MBOAT2: variants seen among roughly 807,000 people sequenced by gnomAD.
The protein encoded by MBOAT2 is membrane bound glycerophospholipid O-acyltransferase 2, also known as membrane-bound glycerophospholipid O-acyltransferase 2.
A neutral mutation model predicts 63.4 loss-of-function variants in MBOAT2; 28 were observed. The ratio of observed to expected loss-of-function variants is 0.44; its 90% CI spans 0.33 to 0.61. The LOEUF (loss-of-function observed/expected upper bound fraction) is 0.61. Ranked by LOEUF, MBOAT2 falls within the 20% of genes least tolerant of loss-of-function variation. The pLI is 0.03. For missense variants in MBOAT2, 470 were observed against 605.8 expected (o/e 0.78, Z 2.35); for synonymous variants, 211 against 215.6 (o/e 0.98, Z 0.19).
chr2:9,001,173 C>T (rs932187686), intron 1 of MBOAT2, among the ~76,000 whole-genome samples: 1 of 152,074 alleles, frequency 6.6e-6, no homozygotes, highest in Non-Finnish European at 1.5e-5. Flanking sequence ...AAGGCCCTGC[C>T]TCAGGCTGTT....
chr2:8,870,107 G>A (rs571073641), intron 8 of MBOAT2, among the ~76,000 whole-genome samples: 1 of 152,192 alleles, frequency 6.6e-6, no homozygotes, highest in East Asian at 1.9e-4. Context: ...TCATTATATA[G>A]AGATATTCCA....
chr2:8,992,996 C>G (rs1165925853), intron 1 of MBOAT2, among the ~76,000 whole-genome samples: 1 of 152,120 alleles, frequency 6.6e-6, no homozygotes, highest in Non-Finnish European at 1.5e-5. Context: ...GGTGAGATAT[C>G]CCAAAGGAGT....
intron 3 of MBOAT2, among the ~76,000 whole-genome samples, chr2:8,934,381 G>A (rs1667517691): frequency 6.6e-6 from 1 of 151,818 alleles, no homozygotes; most frequent in Non-Finnish European, 1.5e-5. Context: ...AAAAAGCCCT[G>A]GGTGGAATGG....
intron 4 of MBOAT2, among the ~76,000 whole-genome samples, chr2:8,901,648 G>A (rs1044222937): frequency 5.3e-5 from 8 of 152,186 alleles, no homozygotes; most frequent in Non-Finnish European, 1.0e-4. Flanking sequence ...CCGTATCCTA[G>A]CTTCAGGAAT....
At chr2:8,896,193 C>G (rs1009215540) in intron 4 of MBOAT2, among the ~76,000 whole-genome samples, 1 of 143,646 alleles carries the variant, frequency 7.0e-6, no homozygotes, top group Non-Finnish European at 1.5e-5. Flanking sequence ...GAGCCGAGAT[C>G]GAGCCATTGC....
intron 2 of MBOAT2, among the ~76,000 whole-genome samples, chr2:8,950,355 G>A (rs1668741259): frequency 6.6e-6 from 1 of 152,116 alleles, no homozygotes; most frequent in Non-Finnish European, 1.5e-5. Context: ...CCAGAACTAT[G>A]TTGAACATGA....
At chr2:8,994,546 G>C (rs1201613503) in intron 1 of MBOAT2, among the ~76,000 whole-genome samples, 2 of 152,242 alleles carry the variant, frequency 1.3e-5, no homozygotes, top group African/African-American at 4.8e-5. Context: ...AGGAATACCA[G>C]GGGCCTCTCT....
At chr2:8,957,809 G>A (rs1669333089) in intron 2 of MBOAT2, among the ~76,000 whole-genome samples, 1 of 152,150 alleles carries the variant, frequency 6.6e-6, no homozygotes, top group African/African-American at 2.4e-5. Context: ...GAGAGTTTCT[G>A]CTGTTTTGCC....
At chr2:8,886,178 G>A (rs1002054371) in intron 5 of MBOAT2, among the ~76,000 whole-genome samples, 1 of 152,196 alleles carries the variant, frequency 6.6e-6, no homozygotes, top group Non-Finnish European at 1.5e-5. Flanking sequence ...CTTCCCTGAT[G>A]GACACTTCAC....
intron 1 of MBOAT2, among the ~76,000 whole-genome samples, chr2:8,991,225 G>A (rs1385466961): frequency 6.6e-6 from 1 of 152,042 alleles, no homozygotes; most frequent in Non-Finnish European, 1.5e-5. Flanking sequence ...AACTGACAGG[G>A]ACTTATCAAG....
intron 1 of MBOAT2, among the ~76,000 whole-genome samples, chr2:8,999,580 A>AT (rs1187161899): frequency 2.6e-5 from 4 of 152,238 alleles, no homozygotes. Context: ...ATCAGCAACT[A>AT]TTAATAATAA....
At chr2:8,967,284 TAC>T (rs1055047419) in intron 1 of MBOAT2, among the ~76,000 whole-genome samples, 1 of 152,242 alleles carries the variant, frequency 6.6e-6, no homozygotes, top group Non-Finnish European at 1.5e-5. Flanking sequence ...CCAGGGTGGT[TAC>T]ACAGATACTG....
chr2:8,893,027 G>A (rs900739103), intron 4 of MBOAT2, among the ~76,000 whole-genome samples: 1 of 140,824 alleles, frequency 7.1e-6, no homozygotes, highest in Non-Finnish European at 1.6e-5. Context: ...CTGACTCTAG[G>A]TTGAAAAAAG....
At chr2:8,902,060 G>A (rs1664976461) in intron 4 of MBOAT2, among the ~76,000 whole-genome samples, 1 of 152,170 alleles carries the variant, frequency 6.6e-6, no homozygotes, top group Non-Finnish European at 1.5e-5. Context: ...TTTCCTCTCT[G>A]TCAACCCTCA....
chr2:8,901,976 G>A (rs1236039490), intron 4 of MBOAT2, among the ~76,000 whole-genome samples: 4 of 152,218 alleles, frequency 2.6e-5, no homozygotes, highest in South Asian at 2.1e-4. Flanking sequence ...TCGCTTGGGC[G>A]ACATGACTTT....
intron 3 of MBOAT2, among the ~76,000 whole-genome samples, chr2:8,922,602 C>G (rs1481345097): frequency 6.6e-6 from 1 of 152,196 alleles, no homozygotes; most frequent in Non-Finnish European, 1.5e-5. Flanking sequence ...AGGTTGTCCC[C>G]GTGTCTGCAT....
chr2:8,994,685 C>G (rs888324759), intron 1 of MBOAT2, among the ~76,000 whole-genome samples: 1 of 152,174 alleles, frequency 6.6e-6, no homozygotes, highest in Admixed American at 6.5e-5. Flanking sequence ...AGAAGAATTA[C>G]AAATACTTAG....
At chr2:8,884,349 C>G (rs1663384400) in intron 5 of MBOAT2, among the ~76,000 whole-genome samples, 1 of 151,082 alleles carries the variant, frequency 6.6e-6, no homozygotes, top group Non-Finnish European at 1.5e-5. Flanking sequence ...GAAAAAAACA[C>G]TTAAAAAAAA....
intron 1 of MBOAT2, among the ~76,000 whole-genome samples, chr2:8,998,742 C>CT (rs1251560308): frequency 6.6e-6 from 1 of 152,114 alleles, no homozygotes; most frequent in Non-Finnish European, 1.5e-5. Flanking sequence ...ACCACAACCC[C>CT]TAGTCCTTCA....
Sources: gnomAD v4.1 joint callset for allele counts (sites outside exome capture counted in the v4.1 genomes callset) on GRCh38, gnomAD v4.1.1 for gene constraint, MANE v1.5 for transcripts, NCBI Gene and HGNC (gene_info 2026-07-23, HGNC 2026-07-21) for gene names.